Variants in STXBP5L observed in about 807,000 individuals in gnomAD.
STXBP5L encodes syntaxin-binding protein 5-like.
In STXBP5L, 65 loss-of-function variants were observed where a neutral mutation model predicts 144.5. The ratio of observed to expected loss-of-function variants is 0.45; its 90% CI spans 0.37 to 0.55. The LOEUF (loss-of-function observed/expected upper bound fraction) is 0.55. Ranked by LOEUF, STXBP5L falls within the 20% of genes least tolerant of loss-of-function variation. STXBP5L has a pLI of 0.00. For synonymous variants in STXBP5L, 505 were observed against 469.6 expected (o/e 1.08, Z -0.97); for missense variants, 1,298 against 1,405.5 (o/e 0.92, Z 1.22).
At chr3:121,269,209 T>C (rs1323950898) in intron 18 of STXBP5L, among the ~76,000 whole-genome samples, 10 of 152,014 alleles carry the variant, frequency 6.6e-5, no homozygotes, top group Non-Finnish European at 5.9e-5. Context: ...TAAATCCTGG[T>C]TGGCCGAAGT....
chr3:121,118,055 AT>A (rs1297776995), intron 6 of STXBP5L, among the ~76,000 whole-genome samples: 1 of 151,726 alleles, frequency 6.6e-6, no homozygotes, highest in Non-Finnish European at 1.5e-5. Context: ...TAATCAAATC[AT>A]AAAAGTGTAA....
intron 5 of STXBP5L, among the ~76,000 whole-genome samples, chr3:121,051,470 C>G (rs866029942): frequency 6.6e-6 from 1 of 152,186 alleles, no homozygotes; most frequent in Non-Finnish European, 1.5e-5. Flanking sequence ...ACTGAACAAC[C>G]TGCTCCTGAA....
At chr3:121,242,956 C>G (rs1444984709) in intron 14 of STXBP5L, among the ~76,000 whole-genome samples, 1 of 152,090 alleles carries the variant, frequency 6.6e-6, no homozygotes, top group African/African-American at 2.4e-5. Context: ...CAGACAAGCT[C>G]AAAGCCAAGA....
intron 5 of STXBP5L, among the ~76,000 whole-genome samples, chr3:121,086,913 C>T (rs1237848602): frequency 2.6e-5 from 4 of 152,000 alleles, no homozygotes; most frequent in African/African-American, 4.8e-5. Flanking sequence ...ATGCATTTCT[C>T]AGAACTTATG....
chr3:121,002,291 C>G (rs997011592), intron 3 of STXBP5L, among the ~76,000 whole-genome samples: 1 of 152,184 alleles, frequency 6.6e-6, no homozygotes, highest in East Asian at 1.9e-4. Flanking sequence ...TTAGTGCTTC[C>G]CTGATGATTA....
intron 18 of STXBP5L, among the ~76,000 whole-genome samples, chr3:121,272,180 A>AT (rs2050752967): frequency 6.6e-6 from 1 of 152,030 alleles, no homozygotes; most frequent in South Asian, 2.1e-4. Flanking sequence ...TTCTTTACTG[A>AT]TTTTTTGTCT....
intron 19 of STXBP5L, among the ~76,000 whole-genome samples, chr3:121,300,407 C>A (rs2051842793): frequency 6.6e-6 from 1 of 152,086 alleles, no homozygotes; most frequent in Non-Finnish European, 1.5e-5. Context: ...TCCGTAAACT[C>A]TGTGTTACTC....
chr3:121,262,293 A>G (rs2050408960), intron 18 of STXBP5L, among the ~76,000 whole-genome samples: 1 of 152,230 alleles, frequency 6.6e-6, no homozygotes, highest in African/African-American at 2.4e-5. Flanking sequence ...GTCTTAAAAC[A>G]TTTTAGCATT....
chr3:120,944,693 C>A (rs887883269), intron 2 of STXBP5L, among the ~76,000 whole-genome samples: 2 of 151,752 alleles, frequency 1.3e-5, no homozygotes, highest in African/African-American at 4.8e-5. Context: ...CACTCTTGTG[C>A]ATACAGAACA....
At chr3:121,126,110 A>G (rs1260085808) in intron 7 of STXBP5L, among the ~76,000 whole-genome samples, 1 of 152,148 alleles carries the variant, frequency 6.6e-6, no homozygotes, top group African/African-American at 2.4e-5. Context: ...CTTAAACACT[A>G]GGACTAAACC....
At chr3:121,157,745 C>G (rs1233624647) in intron 9 of STXBP5L, 118 bp downstream of exon 9, 2 of 1,348,356 alleles carry the variant, frequency 1.5e-6, no homozygotes, top group African/African-American at 3.1e-5. Flanking sequence ...GCTTCTGGTT[C>G]TAAACATCCC....
At chr3:121,355,068 A>T (rs1031193812) in intron 20 of STXBP5L, among the ~76,000 whole-genome samples, 1 of 152,116 alleles carries the variant, frequency 6.6e-6, no homozygotes, top group African/African-American at 2.4e-5. Flanking sequence ...TGTTAGTCTG[A>T]TGGGCTTTCT....
chr3:121,395,682 C>G (rs1024199934), intron 22 of STXBP5L, among the ~76,000 whole-genome samples: 2 of 152,202 alleles, frequency 1.3e-5, no homozygotes, highest in African/African-American at 4.8e-5. Flanking sequence ...TATAATTGTT[C>G]TCTGTGTCAG....
At chr3:121,203,061 CTT>C in intron 9 of STXBP5L, among the ~76,000 whole-genome samples, 1 of 142,514 alleles carries the variant, frequency 7.0e-6, no homozygotes, top group Non-Finnish European at 1.6e-5. Flanking sequence ...CTCCTTCATT[CTT>C]TTTTTCTGTT....
At chr3:121,380,685 C>CA (rs747991930) in intron 21 of STXBP5L, among the ~76,000 whole-genome samples, 6 of 151,898 alleles carry the variant, frequency 4.0e-5, no homozygotes, top group Non-Finnish European at 7.4e-5. Context: ...TAGCCCTAGG[C>CA]AAAGTTAGGA....
intron 7 of STXBP5L, among the ~76,000 whole-genome samples, chr3:121,145,132 A>G (rs1235376110): frequency 4.6e-5 from 7 of 151,906 alleles, no homozygotes; most frequent in African/African-American, 1.7e-4. Flanking sequence ...CTATATATTT[A>G]TAAATTTGTT....
chr3:120,977,449 A>C (rs1015529974), intron 3 of STXBP5L, among the ~76,000 whole-genome samples: 2 of 152,032 alleles, frequency 1.3e-5, no homozygotes, highest in Non-Finnish European at 2.9e-5. Flanking sequence ...TCTGCACGTG[A>C]GATGGGTTTC....
intron 20 of STXBP5L, among the ~76,000 whole-genome samples, chr3:121,337,411 TAG>T (rs2044545006): frequency 1.0e-5 from 1 of 97,602 alleles, no homozygotes; most frequent in South Asian, 2.9e-4. Flanking sequence ...TCATGTTAGA[TAG>T]AACAGACACT....
chr3:121,303,849 A>T (rs1252241984), intron 19 of STXBP5L, among the ~76,000 whole-genome samples: 9 of 151,940 alleles, frequency 5.9e-5, no homozygotes, highest in African/African-American at 1.9e-4. Flanking sequence ...GGACACAGGA[A>T]GGGGAACATC....
Sources: allele counts gnomAD v4.1 joint callset (sites outside exome capture counted in the v4.1 genomes callset), GRCh38; gene constraint gnomAD v4.1.1; transcripts MANE v1.5; gene names NCBI Gene and HGNC (gene_info 2026-07-23, HGNC 2026-07-21).